Variants in MTMR2 observed in about 807,000 individuals in gnomAD.
MTMR2 encodes the protein phosphatidylinositol-3,5-bisphosphate 3-phosphatase MTMR2.
Under a neutral mutation model 86.9 loss-of-function variants are expected in MTMR2, and 55 were observed. The ratio of observed to expected loss-of-function variants is 0.63; its 90% CI spans 0.51 to 0.79. The LOEUF (loss-of-function observed/expected upper bound fraction) is 0.79. MTMR2 is among the 30% of genes least tolerant of loss of function. The pLI, the probability that MTMR2 is intolerant of heterozygous loss-of-function variation, is 0.00. For missense variants in MTMR2, 659 were observed against 772.3 expected, an observed-to-expected ratio of 0.85 and a Z score of 1.74; for synonymous variants, 241 against 266.8, an observed-to-expected ratio of 0.90 and a Z score of 0.94.
intron 1 of MTMR2, among the ~76,000 whole-genome samples, chr11:95,922,824 G>A (rs1866978154): frequency 6.6e-6 from 1 of 152,244 alleles, no homozygotes; most frequent in East Asian, 1.9e-4. Flanking sequence ...AGGAAAAAAG[G>A]CAATAACTAC....
intron 1 of MTMR2, chr11:95,914,387 A>G: frequency 2.0e-6 from 2 of 983,410 alleles, no homozygotes; most frequent in Non-Finnish European, 2.4e-6. Flanking sequence ...ATCATTGTGC[A>G]AAGCCTGCAG....
intron 1 of MTMR2, among the ~76,000 whole-genome samples, chr11:95,921,307 A>G (rs998978072): frequency 1.3e-5 from 2 of 152,258 alleles, no homozygotes; most frequent in Non-Finnish European, 2.9e-5. Flanking sequence ...CAAATTCCAA[A>G]GGCAGTTTCC....
At chr11:95,913,134 A>G (rs1288209616) in intron 1 of MTMR2, 1 of 152,128 alleles carries the variant, frequency 6.6e-6, no homozygotes, top group Non-Finnish European at 1.5e-5. Context: ...TACATAACCC[A>G]TATGTCCTCT....
chr11:95,899,103 A>G lies in MTMR2; in HGVS notation c.81-10842T>C, dbSNP rs541906930. On this transcript the variant is annotated intron_variant, in intron 1 of 14. Coordinates refer to ENST00000346299, the MANE Select transcript of MTMR2 (RefSeq NM_016156.6). ...TAGGAAGACTTTTAACAATAAGTCG[A>G]AGAATAGATTACAAGAGAAGGAAAA... 1.7e-3 allele frequency among the ~76,000 whole-genome samples: 253 copies of G among 152,312 alleles called. 8 individuals carry two copies. The South Asian group carries it at 0.047, about 28-fold the overall frequency.
chr11:95,898,593 G>A (rs547677347), intron 1 of MTMR2, among the ~76,000 whole-genome samples: 23 of 152,190 alleles, frequency 1.5e-4, no homozygotes, highest in Middle Eastern at 3.4e-3. Flanking sequence ...CTGGGGTTTG[G>A]AGAAACAGAG....
intron 5 of MTMR2, 106 bp downstream of exon 5, chr11:95,861,886 A>T: frequency 1.1e-6 from 1 of 879,356 alleles, no homozygotes; most frequent in Non-Finnish European, 1.8e-6. Flanking sequence ...AACATTTCTA[A>T]TTGGAAATCC....
At chr11:95,888,791 G>T (rs1461848461) in intron 1 of MTMR2, among the ~76,000 whole-genome samples, 1 of 152,054 alleles carries the variant, frequency 6.6e-6, no homozygotes, top group Non-Finnish European at 1.5e-5. Flanking sequence ...AAAGGAAGCA[G>T]CCAATTCTGG....
intron 12 of MTMR2, among the ~76,000 whole-genome samples, chr11:95,839,144 TAA>T (rs1863425356): frequency 6.6e-6 from 1 of 151,884 alleles, no homozygotes; most frequent in African/African-American, 2.4e-5. Context: ...AACTTTGCCT[TAA>T]AGTTTCCTAC....
intron 5 of MTMR2, 109 bp downstream of exon 5, chr11:95,861,883 C>G: frequency 1.2e-6 from 1 of 864,052 alleles, no homozygotes; most frequent in Non-Finnish European, 1.8e-6. Context: ...AATAACATTT[C>G]TAATTGGAAA....
chr11:95,836,598 TC>T (rs2135403179), intron 13 of MTMR2, among the ~76,000 whole-genome samples: 1 of 152,106 alleles, frequency 6.6e-6, no homozygotes, highest in Admixed American at 6.6e-5. Flanking sequence ...TTATAGATGT[TC>T]AAAGCAGCAT....
chr11:95,903,537 C>A (rs1409000667), intron 1 of MTMR2, among the ~76,000 whole-genome samples: 1 of 152,210 alleles, frequency 6.6e-6, no homozygotes, highest in African/African-American at 2.4e-5. Flanking sequence ...CCGCTTACCT[C>A]AACTAGACCC....
At chr11:95,858,434 G>A in intron 6 of MTMR2, 97 bp downstream of exon 6, 1 of 807,078 alleles carries the variant, frequency 1.2e-6, no homozygotes, top group Non-Finnish European at 2.2e-6. Context: ...GTCAAAGCAG[G>A]GATGTAAATG....
At chr11:95,861,857 AT>A (rs1365714568) in intron 5 of MTMR2, 134 bp downstream of exon 5, 2 of 740,998 alleles carry the variant, frequency 2.7e-6, no homozygotes, top group East Asian at 5.4e-5. Flanking sequence ...GTTTTCTTCT[AT>A]CAATGTCATA....
intron 1 of MTMR2, among the ~76,000 whole-genome samples, chr11:95,918,295 G>C (rs1259438236): frequency 6.6e-6 from 1 of 152,184 alleles, no homozygotes; most frequent in Non-Finnish European, 1.5e-5. Flanking sequence ...TGTTAATTCA[G>C]TTAGGTCCAA....
intron 1 of MTMR2, among the ~76,000 whole-genome samples, chr11:95,909,625 T>G (rs1048715525): frequency 3.9e-5 from 6 of 152,118 alleles, no homozygotes; most frequent in African/African-American, 1.2e-4. Flanking sequence ...AGGAACTTCC[T>G]AAATCTCCTT....
intron 1 of MTMR2, among the ~76,000 whole-genome samples, chr11:95,898,160 A>G (rs994284470): frequency 6.6e-6 from 1 of 151,818 alleles, no homozygotes; most frequent in African/African-American, 2.4e-5. Flanking sequence ...CCATTTCTCA[A>G]TGCCCACTTA....
chr11:95,865,700 G>A (rs746501071), intron 2 of MTMR2, 24 bp from the exon 3 acceptor site: 3 of 1,576,232 alleles, frequency 1.9e-6, no homozygotes, highest in South Asian at 2.2e-5. Flanking sequence ...GACAAAAAAA[G>A]AAACATTTTT....
intron 2 of MTMR2, among the ~76,000 whole-genome samples, chr11:95,880,772 G>A (rs959859143): frequency 4.0e-5 from 6 of 151,894 alleles, no homozygotes; most frequent in South Asian, 2.1e-4. Context: ...TCAACTTTCT[G>A]TTGGGTTGCA....
At chr11:95,919,433 T>C (rs1322423020) in intron 1 of MTMR2, among the ~76,000 whole-genome samples, 1 of 152,150 alleles carries the variant, frequency 6.6e-6, no homozygotes, top group African/African-American at 2.4e-5. Flanking sequence ...CTAATGAAAT[T>C]ATATACTACA....
Sources: allele counts gnomAD v4.1 joint callset (sites outside exome capture counted in the v4.1 genomes callset), GRCh38; gene constraint gnomAD v4.1.1; transcripts MANE v1.5; gene names NCBI Gene and HGNC (gene_info 2026-07-23, HGNC 2026-07-21).